CLIC4: variants seen among roughly 807,000 people sequenced by gnomAD.
The protein encoded by CLIC4 is CLIC family member 4.
A neutral mutation model predicts 24.6 loss-of-function variants in CLIC4; 13 were observed. That is an observed-to-expected ratio of 0.53 (90% CI 0.34 to 0.84). The LOEUF (loss-of-function observed/expected upper bound fraction) is 0.84, where lower values mean the gene tolerates loss of function less well. Among genes scored for constraint, CLIC4 ranks in the 40% least tolerant of loss-of-function variants. The pLI is 0.01. For synonymous variants in CLIC4, 104 were observed against 111.3 expected (o/e 0.93, Z 0.41); for missense variants, 227 against 301.7 (o/e 0.75, Z 1.83).
At chr1:24,803,547 A>G (rs1639514549) in intron 2 of CLIC4, among the ~76,000 whole-genome samples, 1 of 152,222 alleles carries the variant, frequency 6.6e-6, no homozygotes, top group South Asian at 2.1e-4. Flanking sequence ...CTGCCAGAGC[A>G]GCCTTCGTGC....
At chr1:24,786,082 T>C (rs902172221) in intron 1 of CLIC4, among the ~76,000 whole-genome samples, 2 of 152,146 alleles carry the variant, frequency 1.3e-5, no homozygotes, top group Non-Finnish European at 2.9e-5. Flanking sequence ...CATTACTCTA[T>C]ACGCTCCCCA....
At chr1:24,747,929 G>A (rs1638724107) in intron 1 of CLIC4, among the ~76,000 whole-genome samples, 1 of 151,682 alleles carries the variant, frequency 6.6e-6, no homozygotes, top group African/African-American at 2.4e-5. Flanking sequence ...GGAGGCTGAG[G>A]CATGAGAATC....
rs184426377 is a variant in CLIC4, at chr1:24,820,420, C to G, written c.308+6201C>G. On this transcript the variant is annotated intron_variant, in intron 3 of 5. Transcript: ENST00000374379. ...GGGAGTACAGGTGTGTGCCACCATG[C>G]CCAGCTAAGTTTAAAAAAATTTTTG... Among the ~76,000 whole-genome samples the G allele has an allele frequency of 2.0e-5, 3 of 151,420 alleles. No individual in the cohort carries two copies. The South Asian group carries it at 6.3e-4, about 32-fold the overall frequency.
At chr1:24,757,219 C>T (rs770905752) in intron 1 of CLIC4, among the ~76,000 whole-genome samples, 8 of 151,944 alleles carry the variant, frequency 5.3e-5, no homozygotes, top group South Asian at 2.1e-4. Context: ...TTAGTAGAGA[C>T]GGGGTTTCAC....
chr1:24,779,485 A>G (rs1639178893), intron 1 of CLIC4, among the ~76,000 whole-genome samples: 2 of 152,032 alleles, frequency 1.3e-5, no homozygotes, highest in Admixed American at 1.3e-4. Flanking sequence ...ATAAAATAAA[A>G]ATAATCTCCT....
intron 1 of CLIC4, among the ~76,000 whole-genome samples, chr1:24,785,239 T>C (rs1467257199): frequency 6.6e-6 from 1 of 152,132 alleles, no homozygotes; most frequent in African/African-American, 2.4e-5. Context: ...CTGAAGAATC[T>C]GTTGTTAGGC....
intron 2 of CLIC4, among the ~76,000 whole-genome samples, chr1:24,802,295 T>C (rs976183968): frequency 2.0e-5 from 3 of 152,210 alleles, no homozygotes; most frequent in African/African-American, 7.2e-5. Flanking sequence ...GCATTATTCC[T>C]ATAGGTTGAT....
Position 24,745,458 on chromosome 1 carries a change from C to A in CLIC4, c.-96C>A. ...GCTCGACGCCGGACAGTCCAGCGAG[C>A]AGCACGGCGGGAACCGGCAGCCGGA... is the stretch of plus-strand genomic sequence containing the variant. On this transcript the variant is annotated 5_prime_UTR_variant, in exon 1 of 6. Coordinates refer to ENST00000374379, the MANE Select transcript of CLIC4 (RefSeq NM_013943.3). 8.8e-7 allele frequency: 1 copy of A among 1,141,696 alleles called. No homozygotes were observed. The highest frequency in any genetic ancestry group is 1.3e-6 in the Non-Finnish European group (1 of 797,146). The allele number at this position is 1,141,696 out of a possible 1,614,324, so 70.7% of individuals were successfully genotyped here.
intron 1 of CLIC4, among the ~76,000 whole-genome samples, chr1:24,789,894 T>C (rs1448770703): frequency 6.6e-6 from 1 of 152,166 alleles, no homozygotes; most frequent in Non-Finnish European, 1.5e-5. Context: ...ATTTTCATAC[T>C]ATGTTAAGAG....
At chr1:24,766,648 CAT>C (rs1004308231) in intron 1 of CLIC4, among the ~76,000 whole-genome samples, 15 of 151,286 alleles carry the variant, frequency 9.9e-5, no homozygotes, top group African/African-American at 3.6e-4. Context: ...GGACTACAGA[CAT>C]GTGCCACTGC....
intron 1 of CLIC4, among the ~76,000 whole-genome samples, chr1:24,777,616 C>T (rs1364308913): frequency 6.6e-6 from 1 of 152,134 alleles, no homozygotes; most frequent in East Asian, 1.9e-4. Flanking sequence ...GTCTTGGTGA[C>T]ATTGGTGCCC....
chr1:24,749,804 T>TA (rs1470426472), intron 1 of CLIC4, among the ~76,000 whole-genome samples: 5 of 150,288 alleles, frequency 3.3e-5, no homozygotes, highest in African/African-American at 1.2e-4. Flanking sequence ...CAAAAACTAT[T>TA]AAAAAAATTG....
chr1:24,822,087 T>G (rs1469504618), intron 3 of CLIC4, among the ~76,000 whole-genome samples: 1 of 152,226 alleles, frequency 6.6e-6, no homozygotes, highest in African/African-American at 2.4e-5. Context: ...GCAGGGATAC[T>G]TTTGAAGCCA....
At chr1:24,812,653 T>C (rs1274885772) in intron 2 of CLIC4, among the ~76,000 whole-genome samples, 9 of 152,214 alleles carry the variant, frequency 5.9e-5, no homozygotes, top group Non-Finnish European at 1.2e-4. Context: ...CCATAAATTA[T>C]GTATTTTGTG....
chr1:24,746,020 C>T (rs1571224109), intron 1 of CLIC4, among the ~76,000 whole-genome samples: 1 of 151,372 alleles, frequency 6.6e-6, no homozygotes, highest in East Asian at 1.9e-4. Context: ...CGCTCCCCAG[C>T]GCTCCGGTCC....
chr1:24,838,286 G>T (rs1179228119), intron 4 of CLIC4, among the ~76,000 whole-genome samples: 1 of 152,034 alleles, frequency 6.6e-6, no homozygotes, highest in Non-Finnish European at 1.5e-5. Flanking sequence ...ATGTAGGAGG[G>T]GCTCAATTAT....
rs375353786 is a variant in CLIC4 at position 24,840,882 on chromosome 1, G to A, written c.707G>A (p.Ser236Asn). The A allele has an allele frequency of 6.2e-7, 1 of 1,612,092 alleles. No homozygotes were observed. Residue 236 changes from serine (S) to asparagine (N), a missense_variant, in exon 6 of 6, where the codon AGT (serine) becomes AAT (asparagine). Coordinates refer to ENST00000374379, the MANE Select transcript of CLIC4 (RefSeq NM_013943.3). ...GACGAGTTCACCAATACCTGTCCCA[G>A]TGATAAGGAGGTTGAAATAGCATAT... ...SRDEFTNTCP[S>N]DKEVEIAYSD...
At position 24,766,582 on chromosome 1, in the gene CLIC4, C is replaced by T. The variant is rs1571233745; in HGVS notation, c.72+20957C>T. Among the ~76,000 whole-genome samples, 5 of 139,678 alleles carry T rather than the reference C, an allele frequency of 3.6e-5. No individual in the cohort carries two copies. The East Asian group carries it at 1.1e-3, about 31-fold the overall frequency. The allele number at this position is 139,678 out of a possible 152,430, so 91.6% of individuals were successfully genotyped here. A position where few individuals can be genotyped will look rare whatever the true frequency, so the allele number is the denominator to read the frequency against. ...GCAGTGGCACAATCTCAGCTCACTGCAACCTCCGTCTCCTGGGCTCAAGTG... is the reference window on the plus strand; with the variant it reads ...GCAGTGGCACAATCTCAGCTCACTGTAACCTCCGTCTCCTGGGCTCAAGTG... On this transcript the variant is annotated intron_variant, in intron 1 of 5. Coordinates refer to ENST00000374379, the MANE Select transcript of CLIC4 (RefSeq NM_013943.3).
chr1:24,802,751 C>A (rs1327533114), intron 2 of CLIC4, among the ~76,000 whole-genome samples: 1 of 150,658 alleles, frequency 6.6e-6, no homozygotes, highest in Non-Finnish European at 1.5e-5. Context: ...CCTCTGTCAC[C>A]GAGGCTGGAG....
Sources: gnomAD v4.1 joint callset for allele counts (sites outside exome capture counted in the v4.1 genomes callset) on GRCh38, gnomAD v4.1.1 for gene constraint, MANE v1.5 for transcripts, NCBI Gene and HGNC (gene_info 2026-07-23, HGNC 2026-07-21) for gene names.